Variants in PPFIBP2 observed in about 807,000 individuals in gnomAD.
PPFIBP2 encodes PPFIB scaffold protein 2, also known as liprin-beta-2.
A neutral mutation model predicts 118.3 loss-of-function variants in PPFIBP2; 118 were observed. That is an observed-to-expected ratio of 1.00 (90% CI 0.86 to 1.16). The LOEUF (loss-of-function observed/expected upper bound fraction) is 1.16. Ranked by LOEUF, PPFIBP2 falls within the 50% of genes most tolerant of loss-of-function variation. PPFIBP2 has a pLI of 0.00. For synonymous variants in PPFIBP2, 414 were observed against 397.4 expected, an observed-to-expected ratio of 1.04 and a Z score of -0.50; for missense variants, 1,195 against 1,073.1, an observed-to-expected ratio of 1.11 and a Z score of -1.59.
At chr11:7,551,099 G>A (rs995057444) in intron 2 of PPFIBP2, among the ~76,000 whole-genome samples, 1 of 152,070 alleles carries the variant, frequency 6.6e-6, no homozygotes, top group Non-Finnish European at 1.5e-5. Context: ...CTGGAATACA[G>A]ATGTCCTGTT....
rs1014751612 is a variant in PPFIBP2 at position 7,620,799 on chromosome 11, C to G, written c.619-136C>G. 5.9e-6 allele frequency: 4 copies of G among 673,458 alleles called. No individual in the cohort carries two copies. In the African/African-American group the frequency reaches 7.2e-5, roughly 12 times the overall value. The allele number at this position is 673,458 out of a possible 1,614,324, so 41.7% of individuals were successfully genotyped here. A position where few individuals can be genotyped will look rare whatever the true frequency, so the allele number is the denominator to read the frequency against. On this transcript the variant is annotated intron_variant, in intron 6 of 23. Transcript: ENST00000299492. ...CATACAGCTTTCCTGAAACAAGGGACGTGTTTAAAGATTAAAGCTGTTATG... is the reference window on the plus strand; with the variant it reads ...CATACAGCTTTCCTGAAACAAGGGAGGTGTTTAAAGATTAAAGCTGTTATG...
chr11:7,556,363 G>C (rs1853633832), intron 2 of PPFIBP2, among the ~76,000 whole-genome samples: 1 of 152,168 alleles, frequency 6.6e-6, no homozygotes. Context: ...GCTGAGGCAG[G>C]AGAATGGCAT....
rs1857489064 is a variant in PPFIBP2 at position 7,582,856 on chromosome 11, G to T, written c.280-10276G>T. Among the ~76,000 whole-genome samples, 3 of 152,166 alleles carry T rather than the reference G, an allele frequency of 2.0e-5. No individual in the cohort carries two copies. In the South Asian group the frequency reaches 6.2e-4, roughly 32 times the overall value. On this transcript the variant is annotated intron_variant, in intron 3 of 23. Coordinates refer to ENST00000299492, the MANE Select transcript of PPFIBP2 (RefSeq NM_003621.5). Reference sequence around the variant, plus strand: ...TCAGCCAAGGCTATCCCAGTATCCTGTCCTTGACCCAATCCTGTTCCAGCT... The same window carrying T: ...TCAGCCAAGGCTATCCCAGTATCCTTTCCTTGACCCAATCCTGTTCCAGCT...
chr11:7,595,643 G>A (rs1860150922), intron 4 of PPFIBP2, among the ~76,000 whole-genome samples: 1 of 152,168 alleles, frequency 6.6e-6, no homozygotes, highest in South Asian at 2.1e-4. Context: ...AGTGATCACT[G>A]CTGTTCTGCA....
intron 12 of PPFIBP2, among the ~76,000 whole-genome samples, chr11:7,633,538 G>A (rs1187161548): frequency 6.6e-6 from 1 of 152,164 alleles, no homozygotes; most frequent in Non-Finnish European, 1.5e-5. Flanking sequence ...CACTACCAAG[G>A]TACTGGCAAC....
At position 7,565,553 on chromosome 11, in the gene PPFIBP2, G is replaced by A. The variant is rs764792123; in HGVS notation, c.65G>A (p.Gly22Asp). Residue 22 changes from glycine to aspartate, a missense_variant and splice_region_variant, in exon 3 of 24, where the codon GGC (glycine) becomes GAC (aspartate). Physicochemically the swap from Gly to Asp is moderately conservative, Grantham distance 94 (BLOSUM62 -1). Transcript: ENST00000299492. The part of the protein sequence containing the change: ...ALEQMDGIIA[G>D]TKTGADLSDG... The stretch of plus-strand genomic sequence containing the variant: ...AGTTTTCACCTCTCTCTCATTGCAG[G>A]CACTAAAACAGGTGCAGATCTTAGT... 1 of 1,614,078 alleles carries A rather than the reference G, an allele frequency of 6.2e-7. No individual in the cohort carries two copies. Among genetic ancestry groups the A allele is most frequent in the African/African-American group, 1.3e-5 (1 of 75,012 alleles).
At chr11:7,559,376 G>T (rs961201049) in intron 2 of PPFIBP2, among the ~76,000 whole-genome samples, 1 of 152,132 alleles carries the variant, frequency 6.6e-6, no homozygotes, top group Admixed American at 6.5e-5. Flanking sequence ...TTTACAGGAG[G>T]TAATTGTGGG....
chr11:7,579,452 A>G (rs564548036), intron 3 of PPFIBP2, among the ~76,000 whole-genome samples: 2 of 151,834 alleles, frequency 1.3e-5, no homozygotes, highest in Admixed American at 6.6e-5. Context: ...TTTTTTTTTT[A>G]AGCCCCACTG....
chr11:7,663,843 T>A, the PPFIBP2 span, among the ~76,000 whole-genome samples: 3 of 152,124 alleles, frequency 2.0e-5, no homozygotes, highest in South Asian at 6.2e-4. Context: ...CGGGATATAA[T>A]CTCATGGTGC....
intron 5 of PPFIBP2, among the ~76,000 whole-genome samples, chr11:7,601,656 C>T: frequency 6.6e-6 from 1 of 152,156 alleles, no homozygotes. Context: ...GAAACTTTCC[C>T]CATTAAGAAG....
chr11:7,639,645 A>C, intron 14 of PPFIBP2, 87 bp from the exon 15 acceptor site: 1 of 1,560,786 alleles, frequency 6.4e-7, no homozygotes, highest in Non-Finnish European at 8.8e-7. Flanking sequence ...GCTCTTGCAA[A>C]ACAGGGAGTT....
At chr11:7,642,184 A>G in intron 16 of PPFIBP2, 114 bp from the exon 17 acceptor site, 3 of 1,237,416 alleles carry the variant, frequency 2.4e-6, no homozygotes. Context: ...ACGGAGAAGC[A>G]GTGCTGCCGA....
intron 5 of PPFIBP2, 63 bp downstream of exon 5, chr11:7,597,736 G>A (rs533166778): frequency 7.6e-7 from 1 of 1,312,228 alleles, no homozygotes; most frequent in African/African-American, 1.6e-5. Flanking sequence ...AAGCCCCTTT[G>A]TGTGCCCAGG....
intron 7 of PPFIBP2, among the ~76,000 whole-genome samples, chr11:7,624,034 G>A (rs769315168): frequency 6.6e-6 from 1 of 152,146 alleles, no homozygotes; most frequent in African/African-American, 2.4e-5. Context: ...TATGAACTTT[G>A]GAATAAGGAA....
chr11:7,541,404 C>T (rs1359463217), intron 1 of PPFIBP2, among the ~76,000 whole-genome samples: 3 of 152,144 alleles, frequency 2.0e-5, no homozygotes, highest in Admixed American at 1.3e-4. Context: ...GATGAGATCA[C>T]CAGTAGCGTG....
At chr11:7,532,470 C>T (rs1850783747) in intron 1 of PPFIBP2, among the ~76,000 whole-genome samples, 1 of 152,166 alleles carries the variant, frequency 6.6e-6, no homozygotes, top group African/African-American at 2.4e-5. Context: ...CTGATCCTGC[C>T]AACCTTGGGA....
chr11:7,528,070 C>T (rs1196248568), intron 1 of PPFIBP2, among the ~76,000 whole-genome samples: 1 of 152,160 alleles, frequency 6.6e-6, no homozygotes, highest in Non-Finnish European at 1.5e-5. Flanking sequence ...GTCCAGGCTG[C>T]CTGACCCCAA....
At chr11:7,630,804 CCCTTTATATATTTCTTAGT>C in intron 10 of PPFIBP2, 102 bp from the exon 11 acceptor site, 1 of 746,694 alleles carries the variant, frequency 1.3e-6, no homozygotes, top group South Asian at 1.6e-5. Flanking sequence ...CTCTTACTGT[CCCTTTATATATTTCTTAGT>C]CCTTCTTAAT....
intron 5 of PPFIBP2, chr11:7,605,812 G>C (rs1403970835): frequency 2.2e-6 from 3 of 1,374,434 alleles, no homozygotes; most frequent in African/African-American, 1.5e-5. Flanking sequence ...GAGAATTTCA[G>C]AGCTGAAGAT....
Sources: gnomAD v4.1 joint callset for allele counts (sites outside exome capture counted in the v4.1 genomes callset) on GRCh38, gnomAD v4.1.1 for gene constraint, MANE v1.5 for transcripts, NCBI Gene and HGNC (gene_info 2026-07-23, HGNC 2026-07-21) for gene names.